The following OTOP1 variants were observed in gnomAD, a reference collection of about 807,000 sequenced individuals.
OTOP1 encodes the protein otopetrin 1.
OTOP1 carries 59 observed loss-of-function variants against 52.9 expected under a neutral mutation model. The ratio of observed to expected loss-of-function variants is 1.12; its 90% CI spans 0.91 to 1.39. OTOP1 has a LOEUF of 1.39. Ranked by LOEUF, OTOP1 falls within the 40% of genes most tolerant of loss-of-function variation. The pLI is 0.00. For missense variants in OTOP1, 761 were observed against 800.9 expected (o/e 0.95, Z 0.60); for synonymous variants, 317 against 337.7 (o/e 0.94, Z 0.67).
intron 5 of OTOP1, among the ~76,000 whole-genome samples, chr4:4,194,605 A>C (rs1716580754): frequency 6.6e-6 from 1 of 152,242 alleles, no homozygotes; most frequent in African/African-American, 2.4e-5. Context: ...TCTTAGGGTG[A>C]TATCAAAAGC....
chr4:4,188,778 C>G lies in OTOP1; in HGVS notation c.*25G>C. The G allele has an allele frequency of 1.9e-6, 3 of 1,594,734 alleles. No homozygotes were observed. Among genetic ancestry groups the G allele is most frequent in the Non-Finnish European group, 2.6e-6 (3 of 1,170,916 alleles). On this transcript the variant is annotated 3_prime_UTR_variant, in exon 6 of 6. Coordinates refer to ENST00000296358, the MANE Select transcript of OTOP1 (RefSeq NM_177998.3). ...GCTCCAATGAACTCTTGTTAGCTCA[C>G]TCCTAGGTCTCTTGTGGACCCAGAC... is the stretch of plus-strand genomic sequence containing the variant.
At chr4:4,223,625 C>T (rs1044964897) in intron 1 of OTOP1, among the ~76,000 whole-genome samples, 6 of 152,098 alleles carry the variant, frequency 3.9e-5, no homozygotes, top group African/African-American at 7.2e-5. Context: ...CCAGGCCGGG[C>T]GTGGTGGCCC....
Position 4,226,610 on chromosome 4 carries a change from C to T in OTOP1, c.255G>A (p.Ala85=), listed in dbSNP as rs1222174001. The T allele has an allele frequency of 8.1e-6, 13 of 1,599,376 alleles. No individual in the cohort carries two copies. The highest frequency in any genetic ancestry group is 1.4e-5 in the African/African-American group (1 of 73,684). The part of the protein sequence containing the change: ...LLLLAWAVHA[A]GVSKSDLLCF... The stretch of plus-strand genomic sequence containing the variant: ...ACAGCAGGTCGCTCTTGCTCACGCC[C>T]GCGGCGTGCACGGCCCAGGCCAGCA... Residue 85 remains alanine (A), a synonymous_variant, in exon 1 of 6, where the codon GCG becomes GCA. Transcript: ENST00000296358.
At chr4:4,216,581 C>G (rs1372866752) in intron 1 of OTOP1, among the ~76,000 whole-genome samples, 1 of 152,182 alleles carries the variant, frequency 6.6e-6, no homozygotes, top group Non-Finnish European at 1.5e-5. Context: ...CTGCTCAAAG[C>G]CTTATAGAAA....
At chr4:4,225,849 G>C (rs1356797836) in intron 1 of OTOP1, among the ~76,000 whole-genome samples, 2 of 152,154 alleles carry the variant, frequency 1.3e-5, no homozygotes, top group Non-Finnish European at 2.9e-5. Context: ...AGTGCGGGCT[G>C]GGGGCATGTG....
At chr4:4,216,753 G>T (rs556256297) in intron 1 of OTOP1, among the ~76,000 whole-genome samples, 1 of 152,344 alleles carries the variant, frequency 6.6e-6, no homozygotes, top group African/African-American at 2.4e-5. Context: ...AGGCAGCGTG[G>T]TTGAGTGGCA....
chr4:4,189,318 G>A (rs1267312387), intron 5 of OTOP1, among the ~76,000 whole-genome samples: 3 of 152,210 alleles, frequency 2.0e-5, no homozygotes, highest in Non-Finnish European at 4.4e-5. Context: ...AGAGGGCTTA[G>A]ATGAGAATTA....
rs1716693756 is a variant in OTOP1 at position 4,198,081 on chromosome 4, C to T, written c.753G>A (p.Gln251=). Residue 251 remains glutamine (Q), a synonymous_variant, in exon 5 of 6, where the codon CAG becomes CAA. Coordinates refer to ENST00000296358, the MANE Select transcript of OTOP1 (RefSeq NM_177998.3). Reference sequence around the variant, plus strand: ...ACAGAGTTGGGGGCGTGCAGTTACACTGCGGTGTGTGGTCATCTAAAACTA... The same window carrying T: ...ACAGAGTTGGGGGCGTGCAGTTACATTGCGGTGTGTGGTCATCTAAAACTA... ...ITTVLDDHTP[Q]CNCTPPTLCT... is the part of the protein sequence containing the mutation. 6.2e-7 allele frequency: 1 copy of T among 1,613,800 alleles called. No homozygotes were observed. The highest frequency in any genetic ancestry group is 1.3e-5 in the African/African-American group (1 of 74,924).
chr4:4,201,101 G>T (rs1226196799), intron 4 of OTOP1, among the ~76,000 whole-genome samples: 1 of 152,146 alleles, frequency 6.6e-6, no homozygotes, highest in Non-Finnish European at 1.5e-5. Flanking sequence ...CTTCTCCGTG[G>T]CTTGATGGCT....
rs183415153 is a variant in OTOP1 at position 4,193,930 on chromosome 4, G to A, written c.1668+3236C>T. Among the ~76,000 whole-genome samples, 10 of 152,266 alleles carry A rather than the reference G, an allele frequency of 6.6e-5. No individual in the cohort carries two copies. In the East Asian group the frequency reaches 9.7e-4, roughly 15 times the overall value. On this transcript the variant is annotated intron_variant, in intron 5 of 5. Coordinates refer to ENST00000296358, the MANE Select transcript of OTOP1 (RefSeq NM_177998.3). ...AGGCCAGGAGCGGTGGCTCACACCC[G>A]TAATCCCAGCACTTTGGGAGGCCTA...
intron 5 of OTOP1, among the ~76,000 whole-genome samples, chr4:4,190,128 C>T (rs572333204): frequency 2.0e-4 from 31 of 152,340 alleles, no homozygotes; most frequent in Non-Finnish European, 4.0e-4. Context: ...CAGCCGACCT[C>T]TGTATCCAGG....
chr4:4,206,633 A>C (rs1166336104), intron 2 of OTOP1, among the ~76,000 whole-genome samples: 2 of 152,216 alleles, frequency 1.3e-5, no homozygotes, highest in South Asian at 2.1e-4. Flanking sequence ...CTGGTTATGC[A>C]GTCACTAGCA....
intron 5 of OTOP1, among the ~76,000 whole-genome samples, chr4:4,189,728 C>T (rs1224662724): frequency 6.6e-6 from 1 of 152,246 alleles, no homozygotes; most frequent in Non-Finnish European, 1.5e-5. Flanking sequence ...GGCAGAGCTG[C>T]CATGCTGTGA....
chr4:4,188,869 C>A lies in OTOP1; in HGVS notation c.1773G>T (p.Met591Ile). The A allele has an allele frequency of 6.2e-7, 1 of 1,613,932 alleles. No individual in the cohort carries two copies. ...EPWIIVVNLAMPFSIFYRMHA... is the reference protein window; with the variant it reads ...EPWIIVVNLAIPFSIFYRMHA... ...GCATTCGATAGAAAATAGAAAAAGG[C>A]ATGGCCAGGTTGACCACAATTATCC... Residue 591 changes from methionine to isoleucine, a missense_variant, in exon 6 of 6, where the codon ATG becomes ATT. By Grantham distance (10) the Met-to-Ile change is conservative. Around this residue, in one of 3 missense-constraint regions of OTOP1, gnomAD observed 632 missense variants for 619.5 expected, o/e 1.02. Transcript: ENST00000296358.
At position 4,226,466 on chromosome 4, in the gene OTOP1, C is replaced by T; in HGVS notation, c.399G>A (p.Leu133=). 3 of 1,493,672 alleles carry T rather than the reference C, an allele frequency of 2.0e-6. No homozygotes were observed. Among genetic ancestry groups the T allele is most frequent in the Admixed American group, 2.1e-5 (1 of 47,388 alleles). 92.5% of individuals were successfully genotyped at this position (1,493,672 alleles called of 1,614,324 possible). A position where few individuals can be genotyped will look rare whatever the true frequency, so the allele number is the denominator to read the frequency against. ...LKDTHAGAGW[L]RGSITLFAVI... Reference sequence around the variant, plus strand: ...TCGCCCGGCGCCTGGACTCACCGCGCAGCCAGCCGGCACCCGCGTGCGTGT... The same window carrying T: ...TCGCCCGGCGCCTGGACTCACCGCGTAGCCAGCCGGCACCCGCGTGCGTGT... The change falls in exon 1 of 6, where the codon CTG becomes CTA. Residue 133 remains leucine, a synonymous_variant. Coordinates refer to ENST00000296358, the MANE Select transcript of OTOP1 (RefSeq NM_177998.3).
At position 4,193,417 on chromosome 4, in the gene OTOP1, G is replaced by A. The variant is rs146163342; in HGVS notation, c.1668+3749C>T. 3.2e-3 allele frequency among the ~76,000 whole-genome samples: 493 copies of A among 152,266 alleles called. 5 individuals are homozygous for A. Among genetic ancestry groups the A allele is most frequent in the African/African-American group, 0.01 (434 of 41,536 alleles). The stretch of plus-strand genomic sequence containing the variant: ...AAATTCAACTAACATTTCCATGTCC[G>A]TCTCTGAAGTGGAGCCCACCCCACC... On this transcript the variant is annotated intron_variant, in intron 5 of 5. Coordinates refer to ENST00000296358, the MANE Select transcript of OTOP1 (RefSeq NM_177998.3).
chr4:4,196,186 A>T (rs10033150), intron 5 of OTOP1, among the ~76,000 whole-genome samples: 47,814 of 152,018 alleles, frequency 0.31, 8,665 homozygotes, highest in East Asian at 0.61. Context: ...TGGGAGGCTG[A>T]GGCAGGAGGA....
chr4:4,222,326 G>C (rs986356679), intron 1 of OTOP1, among the ~76,000 whole-genome samples: 25 of 152,146 alleles, frequency 1.6e-4, no homozygotes, highest in African/African-American at 5.6e-4. Flanking sequence ...CTTGCTGAAA[G>C]ACAGAGGATG....
At chr4:4,220,972 G>A (rs1390276028) in intron 1 of OTOP1, among the ~76,000 whole-genome samples, 1 of 151,954 alleles carries the variant, frequency 6.6e-6, no homozygotes, top group Non-Finnish European at 1.5e-5. Flanking sequence ...AGGGCTAGGA[G>A]GCTCAATATC....
Sources: allele counts gnomAD v4.1 joint callset (sites outside exome capture counted in the v4.1 genomes callset), GRCh38; gene constraint gnomAD v4.1.1; regional missense constraint gnomAD v4.1.1; transcripts MANE v1.5; gene names NCBI Gene and HGNC (gene_info 2026-07-23, HGNC 2026-07-21).